TNNI1: variants seen among roughly 807,000 people sequenced by gnomAD.
TNNI1 encodes the protein troponin I, slow skeletal muscle.
TNNI1 carries 14 observed loss-of-function variants against 26.7 expected under a neutral mutation model. The observed-to-expected ratio is 0.52, with a 90% confidence interval of 0.35 to 0.82. The LOEUF (loss-of-function observed/expected upper bound fraction) is 0.82, where lower values mean the gene tolerates loss of function less well. Among genes scored for constraint, TNNI1 ranks in the 40% least tolerant of loss-of-function variants. The pLI, the probability that TNNI1 is intolerant of heterozygous loss-of-function variation, is 0.01. For missense variants in TNNI1, 164 were observed against 257.0 expected, an observed-to-expected ratio of 0.64 and a Z score of 2.47; for synonymous variants, 79 against 98.2, an observed-to-expected ratio of 0.80 and a Z score of 1.16.
At chr1:201,410,186 C>G in intron 8 of TNNI1, 140 bp downstream of exon 8, 1 of 676,746 alleles carries the variant, frequency 1.5e-6, no homozygotes. Context: ...CCAGGAGAGC[C>G]GACTCAAATC....
chr1:201,411,626 A>G lies in TNNI1; in HGVS notation c.280-93T>C. 3 of 1,302,762 alleles carry G rather than the reference A, an allele frequency of 2.3e-6. No individual in the cohort carries two copies. The highest frequency in any genetic ancestry group is 3.5e-5 in the South Asian group (2 of 57,726). The allele number at this position is 1,302,762 out of a possible 1,614,324, so 80.7% of individuals were successfully genotyped here. On this transcript the variant is annotated intron_variant, in intron 6 of 8. Coordinates refer to ENST00000361379, the MANE Select transcript of TNNI1 (RefSeq NM_003281.4). The surrounding 1 kb of genome is among the most constrained non-coding windows in gnomAD (Gnocchi z 4.6). ...CTCAGACTGCTAGGGTTCCAGCCAG[A>G]GATACACCTTAAATTGTCCACCCTT...
At chr1:201,414,950 A>T (rs1206746518) in intron 4 of TNNI1, among the ~76,000 whole-genome samples, 1 of 152,238 alleles carries the variant, frequency 6.6e-6, no homozygotes, top group Non-Finnish European at 1.5e-5. Context: ...CTCTGCCTGC[A>T]TGAGTAGCTT....
chr1:201,408,436 T>G lies in TNNI1; in HGVS notation c.*817A>C, dbSNP rs552025449. ...CAAGTATCTCTTCTGTGAGGCCTCCTGCCCTGTGCAGCAGGACTAGGTGAG... is the reference window on the plus strand; with the variant it reads ...CAAGTATCTCTTCTGTGAGGCCTCCGGCCCTGTGCAGCAGGACTAGGTGAG... On this transcript the variant is annotated 3_prime_UTR_variant, in exon 9 of 9. Coordinates refer to ENST00000361379, the MANE Select transcript of TNNI1 (RefSeq NM_003281.4). 5.9e-5 allele frequency: 9 copies of G among 152,444 alleles called. No homozygotes were observed. Among genetic ancestry groups the G allele is most frequent in the African/African-American group, 2.2e-4 (9 of 41,558 alleles). 9.4% of individuals were successfully genotyped at this position (152,444 alleles called of 1,614,324 possible). A position where few individuals can be genotyped will look rare whatever the true frequency, so the allele number is the denominator to read the frequency against.
intron 1 of TNNI1, among the ~76,000 whole-genome samples, chr1:201,421,302 C>A (rs1220984132): frequency 6.6e-6 from 1 of 152,100 alleles, no homozygotes; most frequent in Admixed American, 6.5e-5. Context: ...GCTCTCTGAT[C>A]CCAGGGCCAC....
In TNNI1 at chr1:201,411,240, G is replaced by A; in HGVS notation, c.456+117C>T. 2 of 1,062,868 alleles carry A rather than the reference G, an allele frequency of 1.9e-6. No individual in the cohort carries two copies. The highest frequency in any genetic ancestry group is 2.3e-5 in the Admixed American group (1 of 42,782). The allele number at this position is 1,062,868 out of a possible 1,614,324, so 65.8% of individuals were successfully genotyped here. A position where few individuals can be genotyped will look rare whatever the true frequency, so the allele number is the denominator to read the frequency against. ...CAAAGCATTCTAGAATGTTCTGTCT[G>A]TCAAGCTGACTGGTCTCCAACAGGA... is the stretch of plus-strand genomic sequence containing the variant. On this transcript the variant is annotated intron_variant, in intron 7 of 8. Transcript: ENST00000361379. The surrounding 1 kb of genome is among the most constrained non-coding windows in gnomAD (Gnocchi z 4.6).
chr1:201,420,707 TG>T (rs1433317666), intron 1 of TNNI1, among the ~76,000 whole-genome samples: 2 of 151,806 alleles, frequency 1.3e-5, no homozygotes, highest in African/African-American at 4.8e-5. Context: ...CCCCTGACCT[TG>T]GACCCCCATT....
In TNNI1 at chr1:201,411,349, G is replaced by A. The variant is rs1662632315; in HGVS notation, c.456+8C>T. Reference sequence around the variant, plus strand: ...GAGGGTGGAATGTTCTGAGGAAAGGGACCTCACCTTCTCTGTGTCTTCCTT... The same window carrying A: ...GAGGGTGGAATGTTCTGAGGAAAGGAACCTCACCTTCTCTGTGTCTTCCTT... On this transcript the variant is annotated splice_region_variant and intron_variant, in intron 7 of 8. Coordinates refer to ENST00000361379, the MANE Select transcript of TNNI1 (RefSeq NM_003281.4). This position sits in a 1 kb window ranked among gnomAD's most constrained non-coding sequence, Gnocchi z 4.6. 1 of 1,613,404 alleles carries A rather than the reference G, an allele frequency of 6.2e-7. No individual in the cohort carries two copies. Among genetic ancestry groups the A allele is most frequent in the East Asian group, 2.2e-5 (1 of 44,818 alleles).
chr1:201,410,106 T>C (rs1199345605), intron 8 of TNNI1: 3 of 492,736 alleles, frequency 6.1e-6, no homozygotes, highest in Non-Finnish European at 1.1e-5. Context: ...TCATAGATAA[T>C]GGGAACAAAA....
rs2102367581 is a variant in TNNI1, at chr1:201,407,604, AGGGT to A, written c.*1645_*1648del. 1 of 152,338 alleles carries A rather than the reference AGGGT, an allele frequency of 6.6e-6. No homozygotes were observed. Among genetic ancestry groups the A allele is most frequent in the South Asian group, 2.1e-4 (1 of 4,824 alleles). The allele number at this position is 152,338 out of a possible 1,614,324, so 9.4% of individuals were successfully genotyped here. A position where few individuals can be genotyped will look rare whatever the true frequency, so the allele number is the denominator to read the frequency against. On this transcript the variant is annotated 3_prime_UTR_variant, in exon 9 of 9. Transcript: ENST00000361379. ...TTCGAAGGTAGAATGGGGACTCAGT[AGGGT>A]GGGTAGAAGGGTTGCTGCTCTGATA... is the stretch of plus-strand genomic sequence containing the variant.
intron 8 of TNNI1, 112 bp downstream of exon 8, chr1:201,410,214 A>G (rs1276775421): frequency 3.5e-6 from 3 of 863,214 alleles, no homozygotes; most frequent in Non-Finnish European, 5.6e-6. Context: ...TCGGTGCCTT[A>G]GTCCGTGCAT....
chr1:201,421,075 T>A (rs1662848290), intron 1 of TNNI1, among the ~76,000 whole-genome samples: 1 of 152,166 alleles, frequency 6.6e-6, no homozygotes, highest in African/African-American at 2.4e-5. Context: ...CAAGAGGGGT[T>A]GCCGGTCTGC....
chr1:201,417,414 A>G (rs1662763260), intron 2 of TNNI1, among the ~76,000 whole-genome samples: 1 of 152,192 alleles, frequency 6.6e-6, no homozygotes, highest in Non-Finnish European at 1.5e-5. Context: ...GCCTTAGCGT[A>G]GGGTTCCAGC....
rs1571731233 is a variant in TNNI1 at position 201,405,614 on chromosome 1, T to C, written c.*3639A>G. Reference sequence around the variant, plus strand: ...GGCTAATGTTTAACTCTGCCCCTCCTTCAGCAAGGCACTTTAGCCCCAGCA... The same window carrying C: ...GGCTAATGTTTAACTCTGCCCCTCCCTCAGCAAGGCACTTTAGCCCCAGCA... On this transcript the variant is annotated 3_prime_UTR_variant, in exon 9 of 9. Coordinates refer to ENST00000361379, the MANE Select transcript of TNNI1 (RefSeq NM_003281.4). 2 of 152,734 alleles carry C rather than the reference T, an allele frequency of 1.3e-5. No homozygotes were observed. The highest frequency in any genetic ancestry group is 2.4e-5 in the African/African-American group (1 of 41,440). 9.5% of individuals were successfully genotyped at this position (152,734 alleles called of 1,614,324 possible).
chr1:201,414,718 G>T, intron 4 of TNNI1, 69 bp from the exon 5 acceptor site: 1 of 1,581,260 alleles, frequency 6.3e-7, no homozygotes. Context: ...ATGAGGGGAG[G>T]GCAGCCACAG....
At position 201,406,161 on chromosome 1, in the gene TNNI1, G is replaced by A. The variant is rs1662510996; in HGVS notation, c.*3092C>T. 1 of 152,192 alleles carries A rather than the reference G, an allele frequency of 6.6e-6. No individual in the cohort carries two copies. The highest frequency in any genetic ancestry group is 1.5e-5 in the Non-Finnish European group (1 of 68,054). The allele number at this position is 152,192 out of a possible 1,614,324, so 9.4% of individuals were successfully genotyped here. A position where few individuals can be genotyped will look rare whatever the true frequency, so the allele number is the denominator to read the frequency against. On this transcript the variant is annotated 3_prime_UTR_variant, in exon 9 of 9. Transcript: ENST00000361379. Reference sequence around the variant, plus strand: ...GAAAAGGGCAACCCCAAGGCAGAGTGACCTGAGATCTAGTCTCCAGTCTGC... The same window carrying A: ...GAAAAGGGCAACCCCAAGGCAGAGTAACCTGAGATCTAGTCTCCAGTCTGC...
chr1:201,413,065 G>GTC lies in TNNI1; in HGVS notation c.244_245dup (p.Asp82GlufsTer17). On this transcript the variant is annotated frameshift_variant, in exon 6 of 9. Transcript: ENST00000361379. LOFTEE classifies it high-confidence loss of function. ...TGTTGTGGAGGCATTTGGCCTCAAT[G>GTC]TCGTATCGCTCCTCATCCACCACCT... is the stretch of plus-strand genomic sequence containing the variant. 1 of 1,614,096 alleles carries GTC rather than the reference G, an allele frequency of 6.2e-7. No individual in the cohort carries two copies. The highest frequency in any genetic ancestry group is 8.5e-7 in the Non-Finnish European group (1 of 1,179,968).
Position 201,411,903 on chromosome 1 carries a change from G to A in TNNI1, c.280-370C>T, listed in dbSNP as rs1223816464. On this transcript the variant is annotated intron_variant, in intron 6 of 8. Coordinates refer to ENST00000361379, the MANE Select transcript of TNNI1 (RefSeq NM_003281.4). This position sits in a 1 kb window ranked among gnomAD's most constrained non-coding sequence, Gnocchi z 4.6. ...ATCTGACAGGAGGCAGAGCTCAGGC[G>A]GGAATGCTCATTTGCCCACTGCTCA... Among the ~76,000 whole-genome samples, 1 of 152,264 alleles carries A rather than the reference G, an allele frequency of 6.6e-6. No homozygotes were observed. The highest frequency in any genetic ancestry group is 1.5e-5 in the Non-Finnish European group (1 of 68,020).
Position 201,413,012 on chromosome 1 carries a change from CT to C in TNNI1, c.279+19del. On this transcript the variant is annotated intron_variant, in intron 6 of 8. Transcript: ENST00000361379. ...TGCCCAACCCATTATGGCCATGCCC[CT>C]TCCCTTCCTTAGACTCACCTCCCTG... 1 of 1,613,048 alleles carries C rather than the reference CT, an allele frequency of 6.2e-7. No homozygotes were observed. Among genetic ancestry groups the C allele is most frequent in the South Asian group, 1.1e-5 (1 of 91,038 alleles).
rs1662630521 is a variant in TNNI1, at chr1:201,411,250, C to T, written c.456+107G>A. On this transcript the variant is annotated intron_variant, in intron 7 of 8. Transcript: ENST00000361379. This position sits in a 1 kb window ranked among gnomAD's most constrained non-coding sequence, Gnocchi z 4.6. ...TAGAATGTTCTGTCTGTCAAGCTGACTGGTCTCCAACAGGAGCTCCTGGGC... is the reference window on the plus strand; with the variant it reads ...TAGAATGTTCTGTCTGTCAAGCTGATTGGTCTCCAACAGGAGCTCCTGGGC... 2 of 1,164,150 alleles carry T rather than the reference C, an allele frequency of 1.7e-6. No individual in the cohort carries two copies. The highest frequency in any genetic ancestry group is 1.6e-5 in the African/African-American group (1 of 63,318). 72.1% of individuals were successfully genotyped at this position (1,164,150 alleles called of 1,614,324 possible). A position where few individuals can be genotyped will look rare whatever the true frequency, so the allele number is the denominator to read the frequency against.
Sources: allele counts gnomAD v4.1 joint callset (sites outside exome capture counted in the v4.1 genomes callset), GRCh38; gene constraint gnomAD v4.1.1; non-coding constraint Gnocchi (gnomAD v3.1); transcripts MANE v1.5; gene names NCBI Gene and HGNC (gene_info 2026-07-23, HGNC 2026-07-21).